The following PTPRT variants were observed in gnomAD, a reference collection of about 807,000 sequenced individuals.
PTPRT encodes the protein protein tyrosine phosphatase receptor type T.
Under a neutral mutation model 176.8 loss-of-function variants are expected in PTPRT, and 56 were observed. That is an observed-to-expected ratio of 0.32 (90% CI 0.26 to 0.40). The LOEUF (loss-of-function observed/expected upper bound fraction) is 0.40, where lower values mean the gene tolerates loss of function less well. Ranked by LOEUF, PTPRT falls within the 10% of genes least tolerant of loss-of-function variation. The pLI is 1.00. For synonymous variants in PTPRT, 783 were observed against 739.0 expected (o/e 1.06, Z -0.96); for missense variants, 1,540 against 1,908.2 (o/e 0.81, Z 3.60).
chr20:42,498,848 C>T (rs1018834195), intron 7 of PTPRT, among the ~76,000 whole-genome samples: 3 of 152,118 alleles, frequency 2.0e-5, no homozygotes, highest in African/African-American at 7.2e-5. Context: ...ACACTCTACC[C>T]GGCTTTGAGA....
intron 9 of PTPRT, among the ~76,000 whole-genome samples, chr20:42,421,281 T>TAC (rs2059116604): frequency 2.3e-5 from 1 of 43,798 alleles, no homozygotes; most frequent in African/African-American, 8.0e-5. Context: ...CACACACGCA[T>TAC]GCACACACAC....
intron 16 of PTPRT, among the ~76,000 whole-genome samples, chr20:42,181,605 C>T (rs1367319730): frequency 6.6e-6 from 1 of 152,188 alleles, no homozygotes; most frequent in Non-Finnish European, 1.5e-5. Context: ...CCCAGCAATG[C>T]ATAAGATCAG....
intron 7 of PTPRT, among the ~76,000 whole-genome samples, chr20:42,522,063 T>C (rs964231529): frequency 3.3e-5 from 5 of 151,606 alleles, no homozygotes; most frequent in Non-Finnish European, 7.4e-5. Flanking sequence ...AATTTTACTT[T>C]TTGATATTTG....
chr20:42,948,870 ACCCACGTAT>A (rs1464021330), intron 1 of PTPRT, among the ~76,000 whole-genome samples: 2 of 152,126 alleles, frequency 1.3e-5, no homozygotes, highest in East Asian at 3.9e-4. Flanking sequence ...TGAGCATCAG[ACCCACGTAT>A]CCAATTGTCC....
chr20:42,120,999 C>G (rs1323090998), intron 19 of PTPRT, among the ~76,000 whole-genome samples: 1 of 152,174 alleles, frequency 6.6e-6, no homozygotes, highest in Non-Finnish European at 1.5e-5. Flanking sequence ...CTGTCTTTGT[C>G]TTAGATGTTG....
chr20:42,421,054 G>A (rs867505938), intron 9 of PTPRT, among the ~76,000 whole-genome samples: 15 of 152,272 alleles, frequency 9.9e-5, no homozygotes, highest in Admixed American at 3.3e-4. Flanking sequence ...CCAGGTGTCT[G>A]TTCTTGGTTG....
intron 12 of PTPRT, among the ~76,000 whole-genome samples, chr20:42,311,097 A>G (rs2145353978): frequency 6.6e-6 from 1 of 152,306 alleles, no homozygotes; most frequent in Admixed American, 6.5e-5. Flanking sequence ...GTGAAACCTA[A>G]GGATTCATTA....
intron 6 of PTPRT, among the ~76,000 whole-genome samples, chr20:42,678,954 A>C (rs2075555958): frequency 6.6e-6 from 1 of 152,210 alleles, no homozygotes; most frequent in African/African-American, 2.4e-5. Flanking sequence ...GAATGATGGC[A>C]CAGCAAGAAT....
intron 17 of PTPRT, among the ~76,000 whole-genome samples, chr20:42,148,152 C>G (rs544771124): frequency 6.6e-6 from 1 of 151,874 alleles, no homozygotes; most frequent in Admixed American, 6.6e-5. Flanking sequence ...TCTCCGCTTT[C>G]CTTTTCTCAT....
At chr20:42,116,058 C>T (rs774225188) in intron 21 of PTPRT, 29 of 725,326 alleles carry the variant, frequency 4.0e-5, no homozygotes, top group Admixed American at 3.3e-4. Flanking sequence ...GGACGCCGCA[C>T]GGCCTAGAGT....
intron 2 of PTPRT, among the ~76,000 whole-genome samples, chr20:42,817,353 A>T (rs2077805134): frequency 7.0e-6 from 1 of 142,260 alleles, no homozygotes; most frequent in Non-Finnish European, 1.5e-5. Context: ...TGACATCTTA[A>T]TCATGTTTGG....
intron 6 of PTPRT, among the ~76,000 whole-genome samples, chr20:42,693,187 T>C (rs924752964): frequency 2.6e-5 from 4 of 152,226 alleles, no homozygotes; most frequent in African/African-American, 9.6e-5. Flanking sequence ...CACTGAAAAC[T>C]GCCAGACATT....
intron 12 of PTPRT, among the ~76,000 whole-genome samples, chr20:42,292,304 A>ATT (rs527629031): frequency 1.9e-4 from 28 of 144,906 alleles, no homozygotes; most frequent in African/African-American, 6.5e-4. Context: ...AGCACTAAGA[A>ATT]TTTTTTTTTT....
intron 7 of PTPRT, among the ~76,000 whole-genome samples, chr20:42,581,109 G>A (rs1255761909): frequency 6.6e-6 from 1 of 152,070 alleles, no homozygotes; most frequent in Admixed American, 6.5e-5. Flanking sequence ...GCATGCTCCT[G>A]CCTCAGGGCC....
intron 16 of PTPRT, among the ~76,000 whole-genome samples, chr20:42,167,450 T>C (rs992429619): frequency 6.6e-6 from 1 of 152,204 alleles, no homozygotes; most frequent in Non-Finnish European, 1.5e-5. Context: ...AAGTCATTTT[T>C]CTTAGCAAAA....
intron 9 of PTPRT, among the ~76,000 whole-genome samples, chr20:42,437,523 T>G (rs8125556): frequency 0.82 from 124,949 of 151,822 alleles, 51,784 homozygotes; most frequent in Admixed American, 0.86. Context: ...ATTTTCTTTA[T>G]GCCATCTTGA....
At chr20:42,967,801 C>T (rs375852887) in intron 1 of PTPRT, among the ~76,000 whole-genome samples, 2 of 151,810 alleles carry the variant, frequency 1.3e-5, no homozygotes, top group East Asian at 1.9e-4. Context: ...CCTTCAGCCT[C>T]GCCCTCTCCA....
In PTPRT at chr20:42,077,929, A is replaced by T. The variant is rs965331376; in HGVS notation, c.*2950T>A. ...CCAGCTATTTCACCCCTTCCTGAGC[A>T]GAAAAAAATCTTAGGATTTGTGTTA... On this transcript the variant is annotated 3_prime_UTR_variant, in exon 31 of 31. Coordinates refer to ENST00000373187, the MANE Select transcript of PTPRT (RefSeq NM_007050.6). 1 of 201,846 alleles carries T rather than the reference A, an allele frequency of 5.0e-6. No homozygotes were observed. Among genetic ancestry groups the T allele is most frequent in the Non-Finnish European group, 1.0e-5 (1 of 98,264 alleles). The allele number at this position is 201,846 out of a possible 1,614,324, so 12.5% of individuals were successfully genotyped here.
intron 7 of PTPRT, among the ~76,000 whole-genome samples, chr20:42,638,658 C>T (rs1018020936): frequency 3.3e-5 from 5 of 152,086 alleles, no homozygotes; most frequent in African/African-American, 1.2e-4. Flanking sequence ...AATACATACT[C>T]AAGCCACAAG....
Sources: allele counts gnomAD v4.1 joint callset (sites outside exome capture counted in the v4.1 genomes callset), GRCh38; gene constraint gnomAD v4.1.1; transcripts MANE v1.5; gene names NCBI Gene and HGNC (gene_info 2026-07-23, HGNC 2026-07-21).